KCNQ3: variants seen among roughly 807,000 people sequenced by gnomAD.
The protein encoded by KCNQ3 is potassium voltage-gated channel subfamily KQT member 3.
A neutral mutation model predicts 92.5 loss-of-function variants in KCNQ3; 30 were observed. The ratio of observed to expected loss-of-function variants is 0.32; its 90% CI spans 0.24 to 0.44. The LOEUF (loss-of-function observed/expected upper bound fraction) is 0.44. Among genes scored for constraint, KCNQ3 ranks in the 20% least tolerant of loss-of-function variants. KCNQ3 has a pLI of 1.00. For missense variants in KCNQ3, 913 were observed against 1,140.3 expected (o/e 0.80, Z 2.87); for synonymous variants, 450 against 468.8 (o/e 0.96, Z 0.52).
chr8:132,136,495 T>C (rs1222541061), intron 12 of KCNQ3, among the ~76,000 whole-genome samples: 2 of 152,220 alleles, frequency 1.3e-5, no homozygotes, highest in African/African-American at 2.4e-5. Context: ...GGAGTCATCA[T>C]CTCAGTACAG....
chr8:132,414,796 C>T (rs1384563379), intron 1 of KCNQ3, among the ~76,000 whole-genome samples: 1 of 152,232 alleles, frequency 6.6e-6, no homozygotes, highest in Non-Finnish European at 1.5e-5. Context: ...TGACCCACCT[C>T]ATTTCACAAG....
intron 3 of KCNQ3, among the ~76,000 whole-genome samples, chr8:132,183,766 A>G (rs1162329989): frequency 1.3e-5 from 2 of 152,178 alleles, no homozygotes; most frequent in Non-Finnish European, 2.9e-5. Flanking sequence ...AATGACTCAG[A>G]TCTGTGATCC....
chr8:132,283,319 C>T (rs1816587588), intron 1 of KCNQ3, among the ~76,000 whole-genome samples: 1 of 152,072 alleles, frequency 6.6e-6, no homozygotes, highest in Admixed American at 6.5e-5. Flanking sequence ...AAAGTAGACT[C>T]TATTCAGCAA....
chr8:132,422,518 A>G (rs1377614963), intron 1 of KCNQ3, among the ~76,000 whole-genome samples: 2 of 152,082 alleles, frequency 1.3e-5, no homozygotes, highest in African/African-American at 4.8e-5. Flanking sequence ...ATCACATTCT[A>G]GCTCCTCTGG....
At chr8:132,320,452 T>C (rs966695046) in intron 1 of KCNQ3, among the ~76,000 whole-genome samples, 2 of 152,172 alleles carry the variant, frequency 1.3e-5, no homozygotes, top group African/African-American at 4.8e-5. Flanking sequence ...GGGGATTATG[T>C]TATTTGCCAA....
intron 1 of KCNQ3, among the ~76,000 whole-genome samples, chr8:132,388,766 G>A (rs896187724): frequency 2.6e-5 from 4 of 152,162 alleles, no homozygotes; most frequent in African/African-American, 9.7e-5. Flanking sequence ...ATAGATTAAT[G>A]GAGTTATTTC....
rs183175481 is a variant in KCNQ3, at chr8:132,270,021, G to A, written c.387-83840C>T. On this transcript the variant is annotated intron_variant, in intron 1 of 14. Transcript: ENST00000388996. ...CAGCTCCAAAGTGATTAATTGTTGA[G>A]TAGTTTTCAAGTGGCCCATTTTCTG... is the stretch of plus-strand genomic sequence containing the variant. 8.4e-4 allele frequency among the ~76,000 whole-genome samples: 128 copies of A among 152,174 alleles called. 1 individual carries two copies. The highest frequency in any genetic ancestry group is 3.0e-3 in the African/African-American group (126 of 41,506).
At chr8:132,477,000 T>A (rs2130871378) in intron 1 of KCNQ3, among the ~76,000 whole-genome samples, 1 of 152,234 alleles carries the variant, frequency 6.6e-6, no homozygotes, top group Non-Finnish European at 1.5e-5. Flanking sequence ...TCAGGAGATC[T>A]GGTTGTTTGA....
At chr8:132,207,630 C>T (rs1813705359) in intron 1 of KCNQ3, among the ~76,000 whole-genome samples, 1 of 152,098 alleles carries the variant, frequency 6.6e-6, no homozygotes, top group African/African-American at 2.4e-5. Flanking sequence ...TCTTACCATG[C>T]CCTGGAGACT....
At chr8:132,463,703 A>G (rs899934001) in intron 1 of KCNQ3, among the ~76,000 whole-genome samples, 4 of 152,186 alleles carry the variant, frequency 2.6e-5, no homozygotes, top group Non-Finnish European at 4.4e-5. Flanking sequence ...CCTCCCTTTT[A>G]TCAAAACGGC....
intron 1 of KCNQ3, among the ~76,000 whole-genome samples, chr8:132,463,116 T>C (rs1174754234): frequency 6.6e-6 from 1 of 152,226 alleles, no homozygotes; most frequent in Non-Finnish European, 1.5e-5. Context: ...CATGTTCACA[T>C]CTATGAAAGA....
In KCNQ3 at chr8:132,349,866, T is replaced by C. The variant is rs147218455; in HGVS notation, c.386+130281A>G. ...CCACTGACAATTGGGGACAGCTTGT[T>C]ACACAGCATTTTTGTGACAACAGCT... On this transcript the variant is annotated intron_variant, in intron 1 of 14. Coordinates refer to ENST00000388996, the MANE Select transcript of KCNQ3 (RefSeq NM_004519.4). 3.5e-3 allele frequency among the ~76,000 whole-genome samples: 536 copies of C among 152,352 alleles called. 3 individuals carry two copies. Among genetic ancestry groups the C allele is most frequent in the Middle Eastern group, 0.01 (3 of 292 alleles).
chr8:132,337,041 C>T (rs528376018), intron 1 of KCNQ3, among the ~76,000 whole-genome samples: 1 of 152,286 alleles, frequency 6.6e-6, no homozygotes, highest in Non-Finnish European at 1.5e-5. Flanking sequence ...TTTTTTCCTT[C>T]TAAAAATGTT....
intron 1 of KCNQ3, among the ~76,000 whole-genome samples, chr8:132,410,782 G>GGA (rs1820631583): frequency 6.6e-6 from 1 of 152,230 alleles, no homozygotes; most frequent in Non-Finnish European, 1.5e-5. Flanking sequence ...CGATAACTCT[G>GGA]GAGAGAGATT....
At chr8:132,130,061 G>A (rs1824822407) in intron 14 of KCNQ3, 65 bp from the exon 15 acceptor site, 1 of 1,529,460 alleles carries the variant, frequency 6.5e-7, no homozygotes, top group Non-Finnish European at 8.9e-7. Flanking sequence ...GCTATTGGTT[G>A]GGAGGAAATA....
At chr8:132,444,023 G>A (rs180969418) in intron 1 of KCNQ3, among the ~76,000 whole-genome samples, 6 of 152,172 alleles carry the variant, frequency 3.9e-5, no homozygotes, top group Admixed American at 1.3e-4. Flanking sequence ...AAGAGGTACC[G>A]AGAGGTTCAG....
chr8:132,318,282 G>A (rs1817797561), intron 1 of KCNQ3, among the ~76,000 whole-genome samples: 1 of 152,208 alleles, frequency 6.6e-6, no homozygotes, highest in Non-Finnish European at 1.5e-5. Flanking sequence ...AGTACAGGTT[G>A]TGCCTAAACA....
intron 1 of KCNQ3, among the ~76,000 whole-genome samples, chr8:132,252,629 A>C (rs1018421889): frequency 6.6e-6 from 1 of 152,162 alleles, no homozygotes; most frequent in South Asian, 2.1e-4. Flanking sequence ...ATTTGGCCCC[A>C]CCTACATCCT....
intron 1 of KCNQ3, among the ~76,000 whole-genome samples, chr8:132,397,000 G>C (rs1820211689): frequency 6.6e-6 from 1 of 151,382 alleles, no homozygotes; most frequent in East Asian, 1.9e-4. Context: ...GAGAGAGAGA[G>C]ATTTAAGAGA....
Sources: allele counts gnomAD v4.1 joint callset (sites outside exome capture counted in the v4.1 genomes callset), GRCh38; gene constraint gnomAD v4.1.1; transcripts MANE v1.5; gene names NCBI Gene and HGNC (gene_info 2026-07-23, HGNC 2026-07-21).